GALNT14: variants seen among roughly 807,000 people sequenced by gnomAD.
GALNT14 encodes UDP-GalNAc:polypeptide N-acetylgalactosaminyltransferase 14.
Under a neutral mutation model 77.5 loss-of-function variants are expected in GALNT14, and 60 were observed. The ratio of observed to expected loss-of-function variants is 0.77; its 90% CI spans 0.63 to 0.96. The LOEUF (loss-of-function observed/expected upper bound fraction) is 0.96. Ranked by LOEUF, GALNT14 falls within the 40% of genes least tolerant of loss-of-function variation. The probability of loss-of-function intolerance (pLI) is 0.00; values close to 1 mark genes in which losing one functional copy is unlikely to be tolerated. For synonymous variants in GALNT14, 280 were observed against 281.7 expected, an observed-to-expected ratio of 0.99 and a Z score of 0.06; for missense variants, 710 against 731.0, an observed-to-expected ratio of 0.97 and a Z score of 0.33.
At position 30,918,304 on chromosome 2, in the gene GALNT14, G is replaced by C. The variant is rs148808701; in HGVS notation, c.1380+5815C>G. Among the ~76,000 whole-genome samples, 67 of 152,310 alleles carry C rather than the reference G, an allele frequency of 4.4e-4. 1 individual carries two copies. In the East Asian group the frequency reaches 0.013, roughly 29 times the overall value. ...CCAGGGCTAGAATCCCCACAGAGCT[G>C]CCTATTAACCTGTGAATTTGAGCGA... On this transcript the variant is annotated intron_variant, in intron 13 of 14. Transcript: ENST00000349752.
intron 1 of GALNT14, among the ~76,000 whole-genome samples, chr2:31,046,048 G>A (rs1049119771): frequency 6.6e-6 from 1 of 152,094 alleles, no homozygotes; most frequent in African/African-American, 2.4e-5. Context: ...AGCAGCCATT[G>A]TGCTAATCAC....
intron 1 of GALNT14, among the ~76,000 whole-genome samples, chr2:31,132,180 C>T (rs962949286): frequency 3.3e-5 from 5 of 152,152 alleles, no homozygotes; most frequent in Non-Finnish European, 5.9e-5. Flanking sequence ...ACTGACTCAG[C>T]GCTGACAACC....
chr2:30,978,239 T>A (rs548695606), intron 2 of GALNT14, among the ~76,000 whole-genome samples: 1 of 152,334 alleles, frequency 6.6e-6, no homozygotes, highest in Admixed American at 6.5e-5. Context: ...GCCCAAACTG[T>A]CACTGTTGTG....
the GALNT14 span, among the ~76,000 whole-genome samples, chr2:30,894,823 C>T: frequency 6.6e-6 from 1 of 152,206 alleles, no homozygotes; most frequent in African/African-American, 2.4e-5. Context: ...AGATGGCCAG[C>T]CCCCTCAGGG....
chr2:30,968,500 C>T (rs552737514), intron 2 of GALNT14, among the ~76,000 whole-genome samples: 2 of 152,236 alleles, frequency 1.3e-5, no homozygotes, highest in Non-Finnish European at 2.9e-5. Flanking sequence ...TGTGGGGACA[C>T]TCGAGCAGCC....
At chr2:31,093,264 CA>C (rs1022301479) in intron 1 of GALNT14, among the ~76,000 whole-genome samples, 8 of 152,206 alleles carry the variant, frequency 5.3e-5, no homozygotes, top group Admixed American at 1.3e-4. Flanking sequence ...GGGCTCCCAA[CA>C]GCCTTGCAGT....
At chr2:31,018,915 G>T (rs552667083) in intron 1 of GALNT14, among the ~76,000 whole-genome samples, 42 of 152,286 alleles carry the variant, frequency 2.8e-4, no homozygotes, top group African/African-American at 8.9e-4. Context: ...GCTTCTCAGT[G>T]AGTGGTCATT....
intron 1 of GALNT14, among the ~76,000 whole-genome samples, chr2:30,995,182 G>C (rs1319211108): frequency 6.7e-6 from 1 of 148,700 alleles, no homozygotes; most frequent in Non-Finnish European, 1.5e-5. Flanking sequence ...GTGTGTTCAT[G>C]TGCATATGTA....
chr2:30,925,939 G>A (rs1011626199), intron 11 of GALNT14, among the ~76,000 whole-genome samples: 4 of 152,154 alleles, frequency 2.6e-5, no homozygotes, highest in Non-Finnish European at 5.9e-5. Flanking sequence ...GTGGGGGTGG[G>A]AATGAAGAAC....
intron 1 of GALNT14, among the ~76,000 whole-genome samples, chr2:31,109,487 A>C (rs939732444): frequency 3.3e-5 from 5 of 152,214 alleles, no homozygotes; most frequent in Admixed American, 1.3e-4. Context: ...AGTCTGTCAG[A>C]ATGTGAAATG....
At chr2:30,898,703 A>G in the GALNT14 span, among the ~76,000 whole-genome samples, 1 of 152,168 alleles carries the variant, frequency 6.6e-6, no homozygotes, top group Non-Finnish European at 1.5e-5. Flanking sequence ...GGCTCACAGA[A>G]AGGCTTTTTG....
At chr2:30,917,817 G>C (rs1430771753) in intron 13 of GALNT14, among the ~76,000 whole-genome samples, 4 of 152,252 alleles carry the variant, frequency 2.6e-5, no homozygotes, top group African/African-American at 7.2e-5. Flanking sequence ...GGTGAGACCT[G>C]AGCCAAGTAT....
chr2:31,094,599 A>T (rs1355623861), intron 1 of GALNT14, among the ~76,000 whole-genome samples: 1 of 152,186 alleles, frequency 6.6e-6, no homozygotes, highest in Non-Finnish European at 1.5e-5. Context: ...GATCCAGTTT[A>T]TTCCACATGC....
intron 9 of GALNT14, among the ~76,000 whole-genome samples, chr2:30,937,659 A>G (rs1206354352): frequency 6.6e-6 from 1 of 152,142 alleles, no homozygotes; most frequent in African/African-American, 2.4e-5. Context: ...AGCCTGAGAA[A>G]GTTCTCTACT....
At chr2:30,904,849 C>T in the GALNT14 span, among the ~76,000 whole-genome samples, 24 of 152,122 alleles carry the variant, frequency 1.6e-4, no homozygotes, top group South Asian at 6.2e-4. Flanking sequence ...TCTCCCAGCA[C>T]GCAGCTGGAG....
intron 6 of GALNT14, among the ~76,000 whole-genome samples, chr2:30,949,135 A>G (rs1666875445): frequency 6.6e-6 from 1 of 152,172 alleles, no homozygotes; most frequent in African/African-American, 2.4e-5. Flanking sequence ...GAGGCTTTAT[A>G]ATGAGTCACC....
chr2:30,905,519 T>C (rs908806004), downstream of GALNT14, among the ~76,000 whole-genome samples: 1 of 151,852 alleles, frequency 6.6e-6, no homozygotes, highest in African/African-American at 2.4e-5. Context: ...GAAAAAAGAA[T>C]AAAAAGAAAT....
chr2:31,062,074 C>A (rs924518825), intron 1 of GALNT14, among the ~76,000 whole-genome samples: 10 of 152,072 alleles, frequency 6.6e-5, no homozygotes, highest in Non-Finnish European at 1.5e-4. Flanking sequence ...ACTTTAAGTT[C>A]TGGGATACAT....
chr2:31,125,152 A>T (rs1303674309), intron 1 of GALNT14: 1 of 1,547,434 alleles, frequency 6.5e-7, no homozygotes, highest in Non-Finnish European at 8.7e-7. Context: ...CAGTCAACCT[A>T]CCTGTAGGAA....
Sources: gnomAD v4.1 joint callset for allele counts (sites outside exome capture counted in the v4.1 genomes callset) on GRCh38, gnomAD v4.1.1 for gene constraint, MANE v1.5 for transcripts, NCBI Gene and HGNC (gene_info 2026-07-23, HGNC 2026-07-21) for gene names.